NR2F6: variants seen among roughly 807,000 people sequenced by gnomAD.
NR2F6 encodes ERBA-related gene-2.
Under a neutral mutation model 26.5 loss-of-function variants are expected in NR2F6, and 16 were observed. The observed-to-expected ratio is 0.60, with a 90% CI of 0.41 to 0.92. The LOEUF is 0.92. Ranked by LOEUF, NR2F6 falls within the 40% of genes least tolerant of loss-of-function variation. NR2F6 has a pLI of 0.00. For synonymous variants in NR2F6, 325 were observed against 305.0 expected (o/e 1.07, Z -0.68); for missense variants, 536 against 631.7 (o/e 0.85, Z 1.62).
intron 1 of NR2F6, 98 bp downstream of exon 1, chr19:17,244,845 G>A: frequency 7.0e-7 from 1 of 1,425,670 alleles, no homozygotes; most frequent in Non-Finnish European, 9.4e-7. Context: ...GGAGGCCCAG[G>A]GAAGGTCAGC....
chr19:17,232,068 C>T lies in NR2F6; in HGVS notation c.*284G>A, dbSNP rs970853368. On this transcript the variant is annotated 3_prime_UTR_variant, in exon 4 of 4. Transcript: ENST00000291442. The stretch of plus-strand genomic sequence containing the variant: ...AGCCAACCCCACCATCCCACAAGTT[C>T]ATGCTAGGGGTGCTGAGGAACAAGG... 1 of 423,650 alleles carries T rather than the reference C, an allele frequency of 2.4e-6. No individual in the cohort carries two copies. The highest frequency in any genetic ancestry group is 4.2e-6 in the Non-Finnish European group (1 of 237,618). 26.2% of individuals were successfully genotyped at this position (423,650 alleles called of 1,614,324 possible). A position where few individuals can be genotyped will look rare whatever the true frequency, so the allele number is the denominator to read the frequency against.
chr19:17,236,141 G>T, intron 2 of NR2F6, 76 bp from the exon 3 acceptor site: 2 of 349,852 alleles, frequency 5.7e-6, no homozygotes, highest in Non-Finnish European at 8.4e-6. Flanking sequence ...AGCAGGAAAC[G>T]GGGGAGGGAC....
chr19:17,232,720 TA>T, intron 3 of NR2F6, 94 bp from the exon 4 acceptor site: 1 of 1,414,288 alleles, frequency 7.1e-7, no homozygotes, highest in Admixed American at 2.6e-5. Flanking sequence ...CCACTGTGGG[TA>T]AGAACAGGGG....
intron 2 of NR2F6, among the ~76,000 whole-genome samples, chr19:17,236,272 T>G (rs2073438158): frequency 1.1e-5 from 1 of 94,130 alleles, no homozygotes; most frequent in Non-Finnish European, 2.0e-5. Flanking sequence ...AGGGGCCAAG[T>G]AGGTGCCCAT....
Position 17,234,477 on chromosome 19 carries a change from T to A in NR2F6, c.940+1022A>T, listed in dbSNP as rs369061243. 4.4e-4 allele frequency among the ~76,000 whole-genome samples: 67 copies of A among 152,208 alleles called. 1 individual carries two copies. The Middle Eastern group carries it at 0.014, about 31-fold the overall frequency. On this transcript the variant is annotated intron_variant, in intron 3 of 3. Coordinates refer to ENST00000291442, the MANE Select transcript of NR2F6 (RefSeq NM_005234.4). ...AAGCCACCTCCCAGAGTAGCCTGGATCTGGTTCCTAGCCCCAAAGATACCT... is the reference window on the plus strand; with the variant it reads ...AAGCCACCTCCCAGAGTAGCCTGGAACTGGTTCCTAGCCCCAAAGATACCT...
intron 2 of NR2F6, among the ~76,000 whole-genome samples, chr19:17,239,414 T>C (rs2073457203): frequency 6.6e-6 from 1 of 151,848 alleles, no homozygotes; most frequent in African/African-American, 2.4e-5. Context: ...CCCAGCACTT[T>C]GGGAGGCTGA....
intron 2 of NR2F6, among the ~76,000 whole-genome samples, chr19:17,240,275 C>T (rs1413729623): frequency 6.6e-6 from 1 of 152,166 alleles, no homozygotes; most frequent in African/African-American, 2.4e-5. Context: ...ACGCGGTGGC[C>T]GCGCTAGCAG....
At chr19:17,233,125 C>A (rs1230889666) in intron 3 of NR2F6, among the ~76,000 whole-genome samples, 1 of 152,016 alleles carries the variant, frequency 6.6e-6, no homozygotes, top group Non-Finnish European at 1.5e-5. Context: ...CCAGCCTGGG[C>A]AACAGAGGGA....
chr19:17,239,833 A>G (rs1431998636), intron 2 of NR2F6, among the ~76,000 whole-genome samples: 1 of 152,070 alleles, frequency 6.6e-6, no homozygotes, highest in Non-Finnish European at 1.5e-5. Context: ...AAAAATAAAA[A>G]TAAATAAAGA....
At chr19:17,240,908 G>A (rs944445439) in intron 1 of NR2F6, 143 bp from the exon 2 acceptor site, 76 of 717,298 alleles carry the variant, frequency 1.1e-4, no homozygotes, top group Non-Finnish European at 8.3e-5. Context: ...AAGGGGTACA[G>A]GAGCTCAGCT....
In NR2F6 at chr19:17,235,273, A is replaced by C. The variant is rs2073429462; in HGVS notation, c.940+226T>G. ...CTTGGGTCTGGGGTCCGGGGTTCAG[A>C]GTTCTCCGAGAGTCCTGGGATCACG... On this transcript the variant is annotated intron_variant, in intron 3 of 3. Coordinates refer to ENST00000291442, the MANE Select transcript of NR2F6 (RefSeq NM_005234.4). This position sits in a 1 kb window ranked among gnomAD's most constrained non-coding sequence, Gnocchi z 5.0. 1.3e-5 allele frequency among the ~76,000 whole-genome samples: 2 copies of C among 152,188 alleles called. No homozygotes were observed. Among genetic ancestry groups the C allele is most frequent in the African/African-American group, 4.8e-5 (2 of 41,456 alleles).
intron 3 of NR2F6, 126 bp from the exon 4 acceptor site, chr19:17,232,752 G>T: frequency 8.6e-7 from 1 of 1,166,858 alleles, no homozygotes; most frequent in Non-Finnish European, 1.2e-6. Context: ...ATGGCTCACG[G>T]CCACAGTCCC....
In NR2F6 at chr19:17,231,969, C is replaced by T; in HGVS notation, c.*383G>A. ...TTACGTGTCCAGAGGATCTGCCTGG[C>T]ACACGCTAGCTACCCCTGCCCACTG... is the stretch of plus-strand genomic sequence containing the variant. On this transcript the variant is annotated 3_prime_UTR_variant, in exon 4 of 4. Coordinates refer to ENST00000291442, the MANE Select transcript of NR2F6 (RefSeq NM_005234.4). The T allele has an allele frequency of 4.0e-6, 1 of 251,720 alleles. No individual in the cohort carries two copies. The highest frequency in any genetic ancestry group is 7.7e-6 in the Non-Finnish European group (1 of 129,772). The allele number at this position is 251,720 out of a possible 1,614,324, so 15.6% of individuals were successfully genotyped here. A position where few individuals can be genotyped will look rare whatever the true frequency, so the allele number is the denominator to read the frequency against.
At chr19:17,234,551 A>G (rs1214026534) in intron 3 of NR2F6, among the ~76,000 whole-genome samples, 1 of 152,170 alleles carries the variant, frequency 6.6e-6, no homozygotes, top group Non-Finnish European at 1.5e-5. Context: ...CCCAGGAGAC[A>G]GGCTGGAGAG....
Position 17,245,192 on chromosome 19 carries a change from C to T in NR2F6, c.29G>A (p.Gly10Asp). ...CACGCCGTTCGTGTCGCCGCCGGGG[C>T]CGCCCCAGCCGCCGGTCACCATGGC... MAMVTGGWG[G>D]PGGDTNGVDK... Residue 10 changes from glycine (G) to aspartate (D), a missense_variant, in exon 1 of 4, where the codon GGC (glycine) becomes GAC (aspartate). Transcript: ENST00000291442. The surrounding 1 kb of genome is among the most constrained non-coding windows in gnomAD (Gnocchi z 5.0). 2 of 1,377,970 alleles carry T rather than the reference C, an allele frequency of 1.5e-6. No homozygotes were observed. The highest frequency in any genetic ancestry group is 1.6e-5 in the South Asian group (1 of 61,406). 85.4% of individuals were successfully genotyped at this position (1,377,970 alleles called of 1,614,324 possible). A position where few individuals can be genotyped will look rare whatever the true frequency, so the allele number is the denominator to read the frequency against.
At chr19:17,238,614 T>C (rs907077876) in intron 2 of NR2F6, among the ~76,000 whole-genome samples, 42 of 151,980 alleles carry the variant, frequency 2.8e-4, no homozygotes, top group African/African-American at 8.7e-4. Flanking sequence ...TATATGAGGA[T>C]TTTAGGTAAA....
At chr19:17,239,473 G>A (rs1183842781) in intron 2 of NR2F6, among the ~76,000 whole-genome samples, 10 of 152,026 alleles carry the variant, frequency 6.6e-5, no homozygotes, top group African/African-American at 9.7e-5. Flanking sequence ...TGGCTAACAT[G>A]GTGAAACCCC....
At position 17,232,164 on chromosome 19, in the gene NR2F6, A is replaced by T; in HGVS notation, c.*188T>A. Reference sequence around the variant, plus strand: ...GGATGAGGCTGAGGCCTGGATGATCAGTCTCTTTTTGGTTTCATGATCATT... The same window carrying T: ...GGATGAGGCTGAGGCCTGGATGATCTGTCTCTTTTTGGTTTCATGATCATT... On this transcript the variant is annotated 3_prime_UTR_variant, in exon 4 of 4. Transcript: ENST00000291442. 1 of 818,976 alleles carries T rather than the reference A, an allele frequency of 1.2e-6. No homozygotes were observed. Among genetic ancestry groups the T allele is most frequent in the Non-Finnish European group, 1.9e-6 (1 of 539,760 alleles). 50.7% of individuals were successfully genotyped at this position (818,976 alleles called of 1,614,324 possible). A position where few individuals can be genotyped will look rare whatever the true frequency, so the allele number is the denominator to read the frequency against.
chr19:17,232,874 A>G (rs1026452515), intron 3 of NR2F6, among the ~76,000 whole-genome samples: 1 of 152,216 alleles, frequency 6.6e-6, no homozygotes, highest in Non-Finnish European at 1.5e-5. Context: ...GGGGCTGGGC[A>G]CAGTAGCTCA....
Sources: gnomAD v4.1 joint callset for allele counts (sites outside exome capture counted in the v4.1 genomes callset) on GRCh38, gnomAD v4.1.1 for gene constraint, Gnocchi (gnomAD v3.1) non-coding constraint, MANE v1.5 for transcripts, NCBI Gene and HGNC (gene_info 2026-07-23, HGNC 2026-07-21) for gene names.